Variants in SLC14A1 observed in about 807,000 individuals in gnomAD.
SLC14A1 encodes solute carrier family 14 member 1 (Kidd blood group).
A neutral mutation model predicts 39.6 loss-of-function variants in SLC14A1; 36 were observed. The ratio of observed to expected loss-of-function variants is 0.91; its 90% CI spans 0.70 to 1.20. The LOEUF is 1.20. Among genes scored for constraint, SLC14A1 ranks in the 50% most tolerant of loss-of-function variants. The pLI is 0.00. For synonymous variants in SLC14A1, 164 were observed against 173.6 expected (o/e 0.94, Z 0.43); for missense variants, 469 against 478.7 (o/e 0.98, Z 0.19).
chr18:45,734,086 T>C (rs2047111077), intron 4 of SLC14A1, 188 bp from the exon 5 acceptor site: 8 of 673,484 alleles, frequency 1.2e-5, no homozygotes, highest in Non-Finnish European at 2.0e-5. Context: ...TATATTTTTA[T>C]CTATGTATAT....
At chr18:45,734,125 A>T in intron 4 of SLC14A1, 149 bp from the exon 5 acceptor site, 1 of 969,006 alleles carries the variant, frequency 1.0e-6, no homozygotes, top group Non-Finnish European at 1.6e-6. Context: ...TAGTTTTTGT[A>T]CGATGCTTAC....
rs747062713 is a variant in SLC14A1, at chr18:45,725,735, T to A, written c.-22+722T>A. Among the ~76,000 whole-genome samples the A allele has an allele frequency of 4.9e-4, 74 of 152,206 alleles. 1 individual carries two copies. The highest frequency in any genetic ancestry group is 9.4e-4 in the Non-Finnish European group (64 of 68,034). On this transcript the variant is annotated intron_variant, in intron 2 of 9. Transcript: ENST00000321925. ...AGCTGACCTATTCCATAAGACCCAG[T>A]CTGCCTGCCACGTACTGAGTGAATC...
At chr18:45,740,203 T>G (rs2047325778) in intron 8 of SLC14A1, among the ~76,000 whole-genome samples, 2 of 152,244 alleles carry the variant, frequency 1.3e-5, no homozygotes, top group Admixed American at 1.3e-4. Flanking sequence ...TTCAAACTAG[T>G]TGTTTGACCC....
chr18:45,734,221 G>C (rs1295736633), intron 4 of SLC14A1, 53 bp from the exon 5 acceptor site: 1 of 1,612,486 alleles, frequency 6.2e-7, no homozygotes, highest in Non-Finnish European at 8.5e-7. Flanking sequence ...TTATGTGCAA[G>C]TGCAACCAAA....
intron 8 of SLC14A1, among the ~76,000 whole-genome samples, chr18:45,743,937 T>C (rs2047467115): frequency 6.6e-6 from 1 of 152,194 alleles, no homozygotes; most frequent in South Asian, 2.1e-4. Flanking sequence ...GTTTTTGTTT[T>C]GGGTACTTGC....
chr18:45,727,531 C>A, intron 2 of SLC14A1: 1 of 1,261,902 alleles, frequency 7.9e-7, no homozygotes, highest in Non-Finnish European at 1.1e-6. Context: ...TGAGCTAAGC[C>A]AAAGGCACAG....
At chr18:45,729,870 A>C (rs565812484) in intron 2 of SLC14A1, 1 of 153,922 alleles carries the variant, frequency 6.5e-6, no homozygotes, top group African/African-American at 2.4e-5. Flanking sequence ...ATTGGTGAGC[A>C]GGCCATTCCA....
chr18:45,732,927 AG>A (rs1202289118), intron 4 of SLC14A1, among the ~76,000 whole-genome samples: 1 of 152,266 alleles, frequency 6.6e-6, no homozygotes, highest in Non-Finnish European at 1.5e-5. Flanking sequence ...AGCCATAAAA[AG>A]GATTGAAATC....
chr18:45,726,926 A>G (rs10432192), intron 2 of SLC14A1: 178,228 of 193,578 alleles, frequency 0.92, 82,158 homozygotes, highest in East Asian at 1. Context: ...CTCTGGAAGA[A>G]GCAACCTCAG....
chr18:45,740,064 C>A (rs1450442645), intron 8 of SLC14A1, among the ~76,000 whole-genome samples: 1 of 152,218 alleles, frequency 6.6e-6, no homozygotes, highest in Non-Finnish European at 1.5e-5. Context: ...TTGGCCTTGG[C>A]CACCAATAAG....
chr18:45,740,578 C>T lies in SLC14A1; in HGVS notation c.946+916C>T, dbSNP rs984106001. ...AGAAAAAGGGTCTCATTCTGTTGCC[C>T]AGGCTGGAGTGCGGTGGTGTGAACA... On this transcript the variant is annotated intron_variant, in intron 8 of 9. Transcript: ENST00000321925. Among the ~76,000 whole-genome samples, 6 of 151,916 alleles carry T rather than the reference C, an allele frequency of 3.9e-5. No individual in the cohort carries two copies. In the East Asian group the frequency reaches 9.6e-4, roughly 24 times the overall value.
At chr18:45,727,182 C>CCT in intron 2 of SLC14A1, 1 of 1,400,096 alleles carries the variant, frequency 7.1e-7, no homozygotes, top group Non-Finnish European at 9.9e-7. Context: ...CCCCCCTCAG[C>CCT]TTGCCTTTTG....
At chr18:45,733,744 C>A (rs1423113508) in intron 4 of SLC14A1, among the ~76,000 whole-genome samples, 1 of 152,328 alleles carries the variant, frequency 6.6e-6, no homozygotes, top group South Asian at 2.1e-4. Flanking sequence ...CCAACCCCTG[C>A]ACTGGAGACA....
chr18:45,730,250 C>G (rs1316190963), intron 2 of SLC14A1, 50 bp from the exon 3 acceptor site: 3 of 1,563,692 alleles, frequency 1.9e-6, no homozygotes, highest in Non-Finnish European at 2.6e-6. Context: ...GCTGGCTAAT[C>G]TGGAGGGCTC....
chr18:45,733,056 A>T (rs1027228277), intron 4 of SLC14A1, among the ~76,000 whole-genome samples: 3 of 152,252 alleles, frequency 2.0e-5, no homozygotes, highest in African/African-American at 7.2e-5. Context: ...AACACTGGGT[A>T]AACACGGACA....
At chr18:45,749,345 GAAAC>G (rs1162196744) in intron 9 of SLC14A1, among the ~76,000 whole-genome samples, 2 of 151,832 alleles carry the variant, frequency 1.3e-5, no homozygotes, top group East Asian at 1.9e-4. Flanking sequence ...AGAATGGAAA[GAAAC>G]AAAGCAAGTC....
chr18:45,745,125 C>A (rs533791707), intron 8 of SLC14A1, among the ~76,000 whole-genome samples: 178 of 152,314 alleles, frequency 1.2e-3, no homozygotes, highest in African/African-American at 4.1e-3. Context: ...CGCCTATAGT[C>A]CCAGCTACTC....
In SLC14A1 at chr18:45,736,634, C is replaced by T. The variant is rs1449549100; in HGVS notation, c.649C>T (p.Leu217Phe). Reference sequence around the variant, plus strand: ...AGCTCCAAATATCTCCTGGTCTGACCTCAGTGCCCTGGAGGTAAGAGACAC... The same window carrying T: ...AGCTCCAAATATCTCCTGGTCTGACTTCAGTGCCCTGGAGGTAAGAGACAC... ...TTAPNISWSDLSALELLKSIP... is the reference protein window; with the variant it reads ...TTAPNISWSDFSALELLKSIP... Residue 217 changes from leucine (L) to phenylalanine (F), a missense_variant, in exon 6 of 10, where the codon CTC (leucine) becomes TTC (phenylalanine). Physicochemically the swap from Leu to Phe is conservative, Grantham distance 22. Coordinates refer to ENST00000321925, the MANE Select transcript of SLC14A1 (RefSeq NM_015865.7). The T allele has an allele frequency of 6.2e-7, 1 of 1,614,130 alleles. No individual in the cohort carries two copies. Among genetic ancestry groups the T allele is most frequent in the Admixed American group, 1.7e-5 (1 of 60,028 alleles).
intron 1 of SLC14A1, among the ~76,000 whole-genome samples, chr18:45,724,619 AAAT>A (rs1373242968): frequency 9.2e-5 from 14 of 152,342 alleles, no homozygotes; most frequent in African/African-American, 3.4e-4. Context: ...TGTGTTCTTG[AAAT>A]AATAATTTGG....
Sources: allele counts gnomAD v4.1 joint callset (sites outside exome capture counted in the v4.1 genomes callset), GRCh38; gene constraint gnomAD v4.1.1; transcripts MANE v1.5; gene names NCBI Gene and HGNC (gene_info 2026-07-23, HGNC 2026-07-21).